Variants in CEMIP observed in about 807,000 individuals in gnomAD.
CEMIP encodes cell migration-inducing and hyaluronan-binding protein.
In CEMIP, 105 loss-of-function variants were observed where a neutral mutation model predicts 156.9. The ratio of observed to expected loss-of-function variants is 0.67; its 90% confidence interval spans 0.57 to 0.79. The LOEUF is 0.79. CEMIP is among the 30% of genes least tolerant of loss of function. The pLI is 0.00. For missense variants in CEMIP, 1,457 were observed against 1,769.4 expected (o/e 0.82, Z 3.17); for synonymous variants, 676 against 668.4 (o/e 1.01, Z -0.17).
At chr15:80,791,209 T>C (rs1167033907) in intron 1 of CEMIP, among the ~76,000 whole-genome samples, 1 of 151,828 alleles carries the variant, frequency 6.6e-6, no homozygotes, top group Non-Finnish European at 1.5e-5. Context: ...AAAAGCTGAG[T>C]CAGGGAGTTC....
intron 1 of CEMIP, among the ~76,000 whole-genome samples, chr15:80,819,125 A>G (rs889861747): frequency 1.3e-5 from 2 of 152,246 alleles, no homozygotes; most frequent in Admixed American, 1.3e-4. Context: ...CAGGCTAGCC[A>G]GAAAGGCTGT....
intron 14 of CEMIP, among the ~76,000 whole-genome samples, chr15:80,915,268 C>A (rs753912958): frequency 1.3e-5 from 2 of 152,148 alleles, no homozygotes; most frequent in Non-Finnish European, 2.9e-5. Context: ...GGGTTTGTTT[C>A]GGGAAGGGAC....
intron 1 of CEMIP, among the ~76,000 whole-genome samples, chr15:80,858,344 G>C (rs1276124871): frequency 6.6e-6 from 1 of 152,178 alleles, no homozygotes; most frequent in Middle Eastern, 3.2e-3. Context: ...AGGAAAATAA[G>C]TATTCTTTTC....
chr15:80,839,331 T>TGTGTGTGTGTGTGTG (rs1596124534), intron 1 of CEMIP, among the ~76,000 whole-genome samples: 53 of 150,900 alleles, frequency 3.5e-4, no homozygotes, highest in African/African-American at 9.1e-4. Context: ...TGTGTGTGTG[T>TGTGTGTGTGTGTGTG]TTAATTTGTG....
intron 24 of CEMIP, among the ~76,000 whole-genome samples, chr15:80,937,107 C>A (rs1041611504): frequency 6.6e-6 from 1 of 152,226 alleles, no homozygotes; most frequent in African/African-American, 2.4e-5. Flanking sequence ...ACCTCTTGAG[C>A]CTGAGCTCCT....
intron 12 of CEMIP, among the ~76,000 whole-genome samples, chr15:80,901,165 A>C (rs186561315): frequency 2.0e-5 from 3 of 152,090 alleles, no homozygotes; most frequent in African/African-American, 7.2e-5. Context: ...ATCTTTAAAG[A>C]ATGCCACTAT....
chr15:80,806,623 A>G (rs1345161945), intron 1 of CEMIP, among the ~76,000 whole-genome samples: 1 of 152,216 alleles, frequency 6.6e-6, no homozygotes, highest in Non-Finnish European at 1.5e-5. Context: ...GGTAAAATTA[A>G]GTATAATTGC....
chr15:80,865,650 C>CTTTT (rs60777440), intron 1 of CEMIP, among the ~76,000 whole-genome samples: 1 of 134,540 alleles, frequency 7.4e-6, no homozygotes, highest in South Asian at 2.4e-4. Context: ...ATGCACAGCC[C>CTTTT]TTTTTTTTTT....
chr15:80,936,800 G>GT lies in CEMIP; in HGVS notation c.3138dup (p.Val1047CysfsTer114), dbSNP rs1328722980. On this transcript the variant is annotated frameshift_variant, in exon 24 of 30. Coordinates refer to ENST00000394685, the MANE Select transcript of CEMIP (RefSeq NM_001293298.2). LOFTEE classifies it high-confidence loss of function. Reference sequence around the variant, plus strand: ...CACCCATTACCAGCAATACCAACCGGTTGTCACCCTGCAGAAGGGCTACAC... The same window carrying GT: ...CACCCATTACCAGCAATACCAACCGGTTTGTCACCCTGCAGAAGGGCTACAC... 3 of 1,614,152 alleles carry GT rather than the reference G, an allele frequency of 1.9e-6. No individual in the cohort carries two copies. Among genetic ancestry groups the GT allele is most frequent in the Non-Finnish European group, 2.5e-6 (3 of 1,180,046 alleles).
chr15:80,855,376 G>A (rs1897825894), intron 1 of CEMIP, among the ~76,000 whole-genome samples: 1 of 152,188 alleles, frequency 6.6e-6, no homozygotes, highest in Non-Finnish European at 1.5e-5. Flanking sequence ...CAGCAGATGA[G>A]TGGTGGAACT....
rs762191198 is a variant in CEMIP at position 80,926,991 on chromosome 15, A to C, written c.2420+1236A>C. The stretch of plus-strand genomic sequence containing the variant: ...GATTACAAGCGTGCACCACCACGCC[A>C]GGCTAATTTTTGTATTTTCAGTAGA... On this transcript the variant is annotated intron_variant, in intron 19 of 29. Coordinates refer to ENST00000394685, the MANE Select transcript of CEMIP (RefSeq NM_001293298.2). Among the ~76,000 whole-genome samples the C allele has an allele frequency of 6.6e-5, 10 of 152,088 alleles. No homozygotes were observed. In the South Asian group the frequency reaches 1.0e-3, roughly 16 times the overall value.
In CEMIP at chr15:80,949,055, T is replaced by A. The variant is rs1305930245; in HGVS notation, c.*131T>A. 9 of 1,239,748 alleles carry A rather than the reference T, an allele frequency of 7.3e-6. No homozygotes were observed. Among genetic ancestry groups the A allele is most frequent in the Non-Finnish European group, 8.2e-6 (7 of 851,826 alleles). The allele number at this position is 1,239,748 out of a possible 1,614,324, so 76.8% of individuals were successfully genotyped here. A position where few individuals can be genotyped will look rare whatever the true frequency, so the allele number is the denominator to read the frequency against. On this transcript the variant is annotated 3_prime_UTR_variant, in exon 30 of 30. Coordinates refer to ENST00000394685, the MANE Select transcript of CEMIP (RefSeq NM_001293298.2). ...TGGGAAGGCCGTGTTTCAGCCCTGA[T>A]GGGCCAAGGGAAGGCTATCAGAGAC...
At chr15:80,848,862 C>T (rs1291910947) in intron 1 of CEMIP, among the ~76,000 whole-genome samples, 2 of 140,332 alleles carry the variant, frequency 1.4e-5, no homozygotes, top group African/African-American at 2.7e-5. Flanking sequence ...CCTCAACCTC[C>T]TCATGGTCAG....
intron 1 of CEMIP, among the ~76,000 whole-genome samples, chr15:80,852,432 A>G (rs1018855826): frequency 2.0e-5 from 3 of 152,018 alleles, no homozygotes; most frequent in African/African-American, 7.2e-5. Context: ...ATTACTAACC[A>G]GTAGGAGCAA....
intron 1 of CEMIP, among the ~76,000 whole-genome samples, chr15:80,796,457 C>A (rs1161137074): frequency 6.6e-6 from 1 of 152,208 alleles, no homozygotes; most frequent in Non-Finnish European, 1.5e-5. Context: ...AAGATGTATT[C>A]GAAAGGAGAC....
At chr15:80,799,204 C>T (rs1896311001) in intron 1 of CEMIP, among the ~76,000 whole-genome samples, 2 of 152,350 alleles carry the variant, frequency 1.3e-5, no homozygotes, top group South Asian at 4.1e-4. Flanking sequence ...GAGATGTGGT[C>T]AGCTTAGGGA....
chr15:80,826,430 A>G (rs1392305965), intron 1 of CEMIP, among the ~76,000 whole-genome samples: 1 of 152,168 alleles, frequency 6.6e-6, no homozygotes, highest in East Asian at 1.9e-4. Context: ...AGTACCAAGA[A>G]TATCACTTAA....
At chr15:80,801,381 A>G (rs1438923687) in intron 1 of CEMIP, among the ~76,000 whole-genome samples, 1 of 152,152 alleles carries the variant, frequency 6.6e-6, no homozygotes, top group Non-Finnish European at 1.5e-5. Context: ...AATTCAGTGG[A>G]TGAGGGTGAC....
At chr15:80,836,761 G>A (rs1242149080) in intron 1 of CEMIP, among the ~76,000 whole-genome samples, 5 of 152,018 alleles carry the variant, frequency 3.3e-5, no homozygotes, top group African/African-American at 7.2e-5. Context: ...CAGCTTCCAC[G>A]CCCAGATTTT....
Sources: allele counts gnomAD v4.1 joint callset (sites outside exome capture counted in the v4.1 genomes callset), GRCh38; gene constraint gnomAD v4.1.1; transcripts MANE v1.5; gene names NCBI Gene and HGNC (gene_info 2026-07-23, HGNC 2026-07-21).